The following CLDN16 variants were observed in gnomAD, a reference collection of about 807,000 sequenced individuals.
CLDN16 encodes the protein claudin 16, also known as claudin-16.
Under a neutral mutation model 24.6 loss-of-function variants are expected in CLDN16, and 13 were observed. The ratio of observed to expected loss-of-function variants is 0.53; its 90% CI spans 0.34 to 0.84. CLDN16 has a LOEUF of 0.84. Among genes scored for constraint, CLDN16 ranks in the 40% least tolerant of loss-of-function variants. The probability of loss-of-function intolerance (pLI) is 0.01; values close to 1 mark genes in which losing one functional copy is unlikely to be tolerated. For synonymous variants in CLDN16, 116 were observed against 106.7 expected (o/e 1.09, Z -0.54); for missense variants, 298 against 292.7 (o/e 1.02, Z -0.13).
rs549237741 is a variant in CLDN16 at position 190,339,186 on chromosome 3, C to T, written n.121+16525C>T. On this transcript the variant is annotated intron_variant and non_coding_transcript_variant, in intron 1 of 4. Coordinates refer to the CLDN16 transcript ENST00000468220. ...TACCCATCCTTCATCTTTTCCTGCTCTTCTTGCTTCCTTAAAGACTTCTAA... is the reference window on the plus strand; with the variant it reads ...TACCCATCCTTCATCTTTTCCTGCTTTTCTTGCTTCCTTAAAGACTTCTAA... Among the ~76,000 whole-genome samples the T allele has an allele frequency of 3.3e-5, 5 of 152,294 alleles. No individual in the cohort carries two copies. The South Asian group carries it at 1.0e-3, about 32-fold the overall frequency.
the CLDN16 span, among the ~76,000 whole-genome samples, chr3:190,290,689 A>G: frequency 0.076 from 11,589 of 152,260 alleles, 488 homozygotes; most frequent in Non-Finnish European, 0.095. Flanking sequence ...TTTATCTTAC[A>G]GAAAGGATGT....
chr3:190,339,403 C>T (rs1446975121), intron 1 of CLDN16, among the ~76,000 whole-genome samples: 1 of 152,104 alleles, frequency 6.6e-6, no homozygotes, highest in Non-Finnish European at 1.5e-5. Context: ...CTGTCACAAT[C>T]CTGACTAATG....
At chr3:190,346,995 G>A (rs1000707766) in intron 1 of CLDN16, among the ~76,000 whole-genome samples, 2 of 152,136 alleles carry the variant, frequency 1.3e-5, no homozygotes, top group East Asian at 3.8e-4. Context: ...ACACTTTGGA[G>A]AACACTATTA....
At chr3:190,384,271 A>G (rs184523634), upstream of CLDN16, among the ~76,000 whole-genome samples, 1 of 152,302 alleles carries the variant, frequency 6.6e-6, no homozygotes, top group African/African-American at 2.4e-5. Context: ...AACTCTTATT[A>G]TCCTAATAAA....
chr3:190,377,724 G>C (rs115418735), intron 3 of CLDN16, among the ~76,000 whole-genome samples: 86 of 152,120 alleles, frequency 5.7e-4, no homozygotes, highest in African/African-American at 2.0e-3. Flanking sequence ...AGATGTGTGT[G>C]TAAATTCTGC....
exon 1 of CLDN16, chr3:190,322,561 C>G (rs917349547): frequency 1.0e-4 from 31 of 310,102 alleles, no homozygotes; most frequent in Admixed American, 3.9e-4. Context: ...CGGGAGCGCC[C>G]GGTTGGGGAA....
chr3:190,335,199 A>G (rs1036576967), intron 1 of CLDN16, among the ~76,000 whole-genome samples: 1 of 151,526 alleles, frequency 6.6e-6, no homozygotes, highest in Admixed American at 6.6e-5. Flanking sequence ...ACCCGCCACC[A>G]TGCCCAGCTA....
intron 1 of CLDN16, among the ~76,000 whole-genome samples, chr3:190,360,269 G>A (rs373534853): frequency 1.3e-5 from 2 of 151,896 alleles, no homozygotes; most frequent in Non-Finnish European, 2.9e-5. Context: ...CTAAGCTTCC[G>A]ATATTCAGCC....
chr3:190,322,273 G>T, upstream of CLDN16: 1 of 1,435,428 alleles, frequency 7.0e-7, no homozygotes, highest in Non-Finnish European at 9.7e-7. Flanking sequence ...TTGCAGGTGG[G>T]CAACCCGGAC....
chr3:190,338,504 CA>C (rs1717359775), intron 1 of CLDN16, among the ~76,000 whole-genome samples: 1 of 152,146 alleles, frequency 6.6e-6, no homozygotes, highest in Non-Finnish European at 1.5e-5. Flanking sequence ...TATAAATTGA[CA>C]AGTACAGCAA....
chr3:190,322,536 T>G, upstream of CLDN16: 1 of 274,672 alleles, frequency 3.6e-6, no homozygotes, highest in Non-Finnish European at 7.0e-6. Context: ...TCAGGGCGGC[T>G]CACCGAGAGG....
chr3:190,318,863 G>A (rs910091047), upstream of CLDN16, among the ~76,000 whole-genome samples: 6 of 152,130 alleles, frequency 3.9e-5, no homozygotes, highest in African/African-American at 1.4e-4. Flanking sequence ...TGAGAGTGCT[G>A]GGGAAGCTCA....
At chr3:190,391,208 G>GGT (rs1718651225) in intron 1 of CLDN16, among the ~76,000 whole-genome samples, 1 of 135,772 alleles carries the variant, frequency 7.4e-6, no homozygotes, top group Non-Finnish European at 1.6e-5. Context: ...TACTTTTCCA[G>GGT]TTTTTTTTTT....
chr3:190,323,179 C>G lies in CLDN16; in HGVS notation n.121+518C>G, dbSNP rs555999738. On this transcript the variant is annotated intron_variant and non_coding_transcript_variant, in intron 1 of 4. Coordinates refer to the CLDN16 transcript ENST00000468220. ...CTTATGAAACTGCAGGCTAGCAGCC[C>G]TTCCCCGCCAAACACCAACCTCCTC... 3.3e-5 allele frequency among the ~76,000 whole-genome samples: 5 copies of G among 152,270 alleles called. No homozygotes were observed. In the South Asian group the frequency reaches 1.0e-3, roughly 32 times the overall value.
intron 3 of CLDN16, among the ~76,000 whole-genome samples, chr3:190,376,899 A>G (rs1303924648): frequency 6.6e-6 from 1 of 152,024 alleles, no homozygotes; most frequent in Non-Finnish European, 1.5e-5. Flanking sequence ...TTATCTGGGC[A>G]TCTGATGTTT....
chr3:190,347,433 A>G (rs1717574966), intron 1 of CLDN16, among the ~76,000 whole-genome samples: 2 of 152,222 alleles, frequency 1.3e-5, no homozygotes, highest in African/African-American at 4.8e-5. Flanking sequence ...CAAGGAACAT[A>G]TAGTTATAAA....
chr3:190,322,007 A>G, upstream of CLDN16: 1 of 1,614,168 alleles, frequency 6.2e-7, no homozygotes, highest in Non-Finnish European at 8.5e-7. Flanking sequence ...CAAGGAGTCA[A>G]AGACTTTGCA....
chr3:190,406,497 T>G, intron 3 of CLDN16, among the ~76,000 whole-genome samples: 2 of 152,204 alleles, frequency 1.3e-5, no homozygotes, highest in South Asian at 4.1e-4. Flanking sequence ...ATTTAAAAAA[T>G]AAGTCACTGA....
chr3:190,313,473 T>C, the CLDN16 span, among the ~76,000 whole-genome samples: 1 of 152,332 alleles, frequency 6.6e-6, no homozygotes, highest in Admixed American at 6.5e-5. Context: ...TCTTTGATAT[T>C]AGTCACCAGC....
Sources: gnomAD v4.1 joint callset for allele counts (sites outside exome capture counted in the v4.1 genomes callset) on GRCh38, gnomAD v4.1.1 for gene constraint, MANE v1.5 for transcripts, NCBI Gene and HGNC (gene_info 2026-07-23, HGNC 2026-07-21) for gene names.